Variants in ELOB observed in about 807,000 individuals in gnomAD.
The protein encoded by ELOB is elongin-B.
In ELOB, 3 loss-of-function variants were observed where a neutral mutation model predicts 12.9. The observed-to-expected ratio is 0.23, with a 90% CI of 0.11 to 0.60. ELOB has a LOEUF of 0.60. Among genes scored for constraint, ELOB ranks in the 20% least tolerant of loss-of-function variants. The pLI is 0.89. For synonymous variants in ELOB, 84 were observed against 67.4 expected, an observed-to-expected ratio of 1.25 and a Z score of -1.21; for missense variants, 126 against 159.2, an observed-to-expected ratio of 0.79 and a Z score of 1.12.
At position 2,771,953 on chromosome 16, in the gene ELOB, T is replaced by C. The variant is rs1938540440; in HGVS notation, c.*37A>G. ...GGCAGCAACCAGGCAGACTCCCAAA[T>C]CTCTTTTATTGGGGGAAATGGGCCT... On this transcript the variant is annotated 3_prime_UTR_variant, in exon 4 of 4. Transcript: ENST00000409906. The C allele has an allele frequency of 6.3e-7, 1 of 1,588,858 alleles. No homozygotes were observed. Among genetic ancestry groups the C allele is most frequent in the Non-Finnish European group, 8.6e-7 (1 of 1,169,348 alleles).
Position 2,771,941 on chromosome 16 carries a change from C to T in ELOB, c.*49G>A. The T allele has an allele frequency of 4.4e-6, 7 of 1,581,908 alleles. No individual in the cohort carries two copies. The highest frequency in any genetic ancestry group is 6.0e-6 in the Non-Finnish European group (7 of 1,164,924). On this transcript the variant is annotated 3_prime_UTR_variant, in exon 4 of 4. Coordinates refer to ENST00000409906, the MANE Select transcript of ELOB (RefSeq NM_007108.4). Reference sequence around the variant, plus strand: ...GCGGGAAAAAGAGGCAGCAACCAGGCAGACTCCCAAATCTCTTTTATTGGG... The same window carrying T: ...GCGGGAAAAAGAGGCAGCAACCAGGTAGACTCCCAAATCTCTTTTATTGGG...
At position 2,772,045 on chromosome 16, in the gene ELOB, T is replaced by A; in HGVS notation, c.302A>T (p.Asp101Val). 1 of 1,612,906 alleles carries A rather than the reference T, an allele frequency of 6.2e-7. No individual in the cohort carries two copies. The highest frequency in any genetic ancestry group is 8.5e-7 in the Non-Finnish European group (1 of 1,179,466). ...EPFSSPPELP[D>V]VMKPQDSGSS... ...TCCCGAGTCCTGGGGCTTCATCACA[T>A]CGGGCAGCTCTGGCGGGCTGGAAAA... is the stretch of plus-strand genomic sequence containing the variant. Residue 101 changes from aspartate to valine, a missense_variant, in exon 4 of 4, where the codon GAT (aspartate) becomes GTT (valine). Asp to Val is a radical substitution (Grantham distance 152, BLOSUM62 -3). Transcript: ENST00000409906.
intron 3 of ELOB, 146 bp downstream of exon 3, chr16:2,775,305 T>A: frequency 2.0e-6 from 1 of 496,072 alleles, no homozygotes; most frequent in Admixed American, 3.9e-5. Context: ...AACAAACACA[T>A]TGTGAAAGGA....
Position 2,771,737 on chromosome 16 carries a change from T to G in ELOB, c.*253A>C. 2 of 1,529,250 alleles carry G rather than the reference T, an allele frequency of 1.3e-6. No individual in the cohort carries two copies. Among genetic ancestry groups the G allele is most frequent in the South Asian group, 2.6e-5 (2 of 78,264 alleles). The allele number at this position is 1,529,250 out of a possible 1,614,324, so 94.7% of individuals were successfully genotyped here. ...CCCTGGCGTGGTTGGTGTGGCTGGC[T>G]AGCTGCTAACAATGGCTTGGGTCTC... On this transcript the variant is annotated 3_prime_UTR_variant, in exon 4 of 4. Transcript: ENST00000409906.
intron 3 of ELOB, among the ~76,000 whole-genome samples, chr16:2,773,408 A>C (rs1324790412): frequency 6.6e-6 from 1 of 152,188 alleles, no homozygotes; most frequent in Non-Finnish European, 1.5e-5. Flanking sequence ...CAAACCTGTG[A>C]CAATTCGTGC....
At chr16:2,772,597 C>T (rs1436020396) in intron 3 of ELOB, 1 of 151,334 alleles carries the variant, frequency 6.6e-6, no homozygotes, top group Non-Finnish European at 1.5e-5. Flanking sequence ...ACAGTCCCAG[C>T]TTCTCGGGAG....
rs2068755828 is a variant in ELOB, at chr16:2,771,779, C to G, written c.*211G>C. ...TTGGGTCTCAGGGCAACCCAGGTCC[C>G]CATGGTGCCTTTAAGCAGCAGGCTG... On this transcript the variant is annotated 3_prime_UTR_variant, in exon 4 of 4. Transcript: ENST00000409906. 1.4e-6 allele frequency: 2 copies of G among 1,465,306 alleles called. No homozygotes were observed. Among genetic ancestry groups the G allele is most frequent in the Admixed American group, 2.6e-5 (1 of 39,074 alleles). 90.8% of individuals were successfully genotyped at this position (1,465,306 alleles called of 1,614,324 possible).
intron 3 of ELOB, 54 bp downstream of exon 3, chr16:2,775,395 CAG>C (rs2068793041): frequency 7.5e-7 from 1 of 1,330,872 alleles, no homozygotes; most frequent in Non-Finnish European, 1.0e-6. Context: ...TTCTTTGGAA[CAG>C]TGTTCCCAAC....
intron 3 of ELOB, chr16:2,772,378 G>A (rs548532646): frequency 6.7e-5 from 17 of 255,374 alleles, no homozygotes; most frequent in African/African-American, 3.4e-4. Flanking sequence ...CCACTAGTGA[G>A]TCTGAGGGCT....
Position 2,771,666 on chromosome 16 carries a change from G to A in ELOB, c.*324C>T. The A allele has an allele frequency of 3.7e-6, 6 of 1,608,394 alleles. No individual in the cohort carries two copies. The highest frequency in any genetic ancestry group is 4.2e-6 in the Non-Finnish European group (5 of 1,177,612). On this transcript the variant is annotated 3_prime_UTR_variant, in exon 4 of 4. Transcript: ENST00000409906. ...TAAAACTGGAATCTCTTGTCCCTGA[G>A]GCTGGCTCTGGTCTTTGTGTCTCTC...
In ELOB at chr16:2,771,514, G is replaced by C. The variant is rs2068747572; in HGVS notation, c.*476C>G. The C allele has an allele frequency of 1.2e-6, 2 of 1,614,184 alleles. No homozygotes were observed. The highest frequency in any genetic ancestry group is 1.3e-5 in the African/African-American group (1 of 75,026). On this transcript the variant is annotated 3_prime_UTR_variant, in exon 4 of 4. Coordinates refer to ENST00000409906, the MANE Select transcript of ELOB (RefSeq NM_007108.4). Reference sequence around the variant, plus strand: ...GGTGGACCTGTGTGGGTCCGTCTTGGGGTTCCCTCGTTGAACATGCTGTCA... The same window carrying C: ...GGTGGACCTGTGTGGGTCCGTCTTGCGGTTCCCTCGTTGAACATGCTGTCA...
At chr16:2,772,337 A>C in intron 3 of ELOB, 1 of 347,894 alleles carries the variant, frequency 2.9e-6, no homozygotes, top group Non-Finnish European at 5.1e-6. Flanking sequence ...CCCACTGACC[A>C]TGCTGGGGCC....
In ELOB at chr16:2,771,872, C is replaced by A; in HGVS notation, c.*118G>T. The A allele has an allele frequency of 6.8e-7, 1 of 1,471,144 alleles. No individual in the cohort carries two copies. The highest frequency in any genetic ancestry group is 9.0e-7 in the Non-Finnish European group (1 of 1,110,466). The allele number at this position is 1,471,144 out of a possible 1,614,324, so 91.1% of individuals were successfully genotyped here. On this transcript the variant is annotated 3_prime_UTR_variant, in exon 4 of 4. Transcript: ENST00000409906. Reference sequence around the variant, plus strand: ...CAGCACAGGAACTGCCAAGCACAAGCCCCAAAAGGAGCCCACAGGGAGTGG... The same window carrying A: ...CAGCACAGGAACTGCCAAGCACAAGACCCAAAAGGAGCCCACAGGGAGTGG...
intron 3 of ELOB, among the ~76,000 whole-genome samples, chr16:2,774,448 G>A (rs2068787544): frequency 6.6e-6 from 1 of 152,222 alleles, no homozygotes; most frequent in Admixed American, 6.5e-5. Context: ...CCCCTTTAAG[G>A]AGAAGGGAAC....
In ELOB at chr16:2,771,811, G is replaced by A; in HGVS notation, c.*179C>T. On this transcript the variant is annotated 3_prime_UTR_variant, in exon 4 of 4. Transcript: ENST00000409906. ...GCCTTTAAGCAGCAGGCTGGGCCAA[G>A]TTCTCAGCCAGGGTCTCAGGATCTG... 6.9e-7 allele frequency: 1 copy of A among 1,451,782 alleles called. No homozygotes were observed. 89.9% of individuals were successfully genotyped at this position (1,451,782 alleles called of 1,614,324 possible). A position where few individuals can be genotyped will look rare whatever the true frequency, so the allele number is the denominator to read the frequency against.
rs760525694 is a variant in ELOB, at chr16:2,772,114, G to A, written c.245-12C>T. The stretch of plus-strand genomic sequence containing the variant: ...CTCAAAGGTGTCATCTGTGGAGGAA[G>A]CAGCAGAGCTGCAGGGGGGTATTCC... On this transcript the variant is annotated splice_polypyrimidine_tract_variant and intron_variant, in intron 3 of 3. Transcript: ENST00000409906. 1.4e-5 allele frequency: 22 copies of A among 1,592,238 alleles called. No homozygotes were observed. In the East Asian group the frequency reaches 4.1e-4, roughly 29 times the overall value.
At position 2,771,722 on chromosome 16, in the gene ELOB, G is replaced by C; in HGVS notation, c.*268C>G. On this transcript the variant is annotated 3_prime_UTR_variant, in exon 4 of 4. Transcript: ENST00000409906. ...CCTTCCCTTTCCTCCCCCTGGCGTGGTTGGTGTGGCTGGCTAGCTGCTAAC... is the reference window on the plus strand; with the variant it reads ...CCTTCCCTTTCCTCCCCCTGGCGTGCTTGGTGTGGCTGGCTAGCTGCTAAC... 6.4e-7 allele frequency: 1 copy of C among 1,551,262 alleles called. No homozygotes were observed. Among genetic ancestry groups the C allele is most frequent in the Non-Finnish European group, 8.7e-7 (1 of 1,151,790 alleles).
At chr16:2,772,144 C>T in intron 3 of ELOB, 42 bp from the exon 4 acceptor site, 2 of 1,530,728 alleles carry the variant, frequency 1.3e-6, no homozygotes, top group Admixed American at 2.2e-5. Flanking sequence ...TATTCCAGCT[C>T]TTGCCCCAGC....
intron 2 of ELOB, among the ~76,000 whole-genome samples, 182 bp downstream of exon 2, chr16:2,776,811 G>A (rs754397890): frequency 3.3e-5 from 5 of 152,224 alleles, no homozygotes; most frequent in Non-Finnish European, 7.3e-5. Context: ...ATCGCCCCCG[G>A]ACCGGAGATC....
Sources: gnomAD v4.1 joint callset for allele counts (sites outside exome capture counted in the v4.1 genomes callset) on GRCh38, gnomAD v4.1.1 for gene constraint, MANE v1.5 for transcripts, NCBI Gene and HGNC (gene_info 2026-07-23, HGNC 2026-07-21) for gene names.